Variants in SOX5 observed in about 807,000 individuals in gnomAD.
The protein encoded by SOX5 is SRY-box transcription factor 5.
A neutral mutation model predicts 92.0 loss-of-function variants in SOX5; 9 were observed. The ratio of observed to expected loss-of-function variants is 0.10; its 90% confidence interval spans 0.06 to 0.17. The LOEUF is 0.17. Ranked by LOEUF, SOX5 falls within the 10% of genes least tolerant of loss-of-function variation. The pLI is 1.00. For synonymous variants in SOX5, 344 were observed against 336.3 expected (o/e 1.02, Z -0.25); for missense variants, 642 against 944.5 (o/e 0.68, Z 4.20).
intron 4 of SOX5, among the ~76,000 whole-genome samples, chr12:24,099,559 G>C (rs752103833): frequency 9.9e-5 from 15 of 152,072 alleles, no homozygotes; most frequent in Non-Finnish European, 5.9e-5. Context: ...GTTATTTCCT[G>C]ATGTAGTGAG....
intron 1 of SOX5, among the ~76,000 whole-genome samples, chr12:24,409,445 CCTTTT>C (rs1160393625): frequency 3.9e-5 from 6 of 151,978 alleles, no homozygotes; most frequent in East Asian, 1.9e-4. Context: ...CACATGTATC[CCTTTT>C]TTTTTAGAAA....
At chr12:24,410,185 G>A (rs548177644) in intron 1 of SOX5, among the ~76,000 whole-genome samples, 3 of 152,036 alleles carry the variant, frequency 2.0e-5, no homozygotes, top group African/African-American at 7.2e-5. Flanking sequence ...TTTTGTAGAG[G>A]AGGAGTTTTG....
chr12:23,949,875 G>A (rs1299982009), upstream of SOX5, among the ~76,000 whole-genome samples: 1 of 146,710 alleles, frequency 6.8e-6, no homozygotes, highest in African/African-American at 2.5e-5. Context: ...TCCAGCAGCG[G>A]AGTCTGGCTG....
chr12:23,922,134 T>TA (rs1307890850), intron 1 of SOX5, among the ~76,000 whole-genome samples: 1 of 152,154 alleles, frequency 6.6e-6, no homozygotes, highest in Non-Finnish European at 1.5e-5. Context: ...GTTCGTCCTT[T>TA]AAAAAAGACC....
chr12:24,466,482 T>C (rs1057056538), intron 1 of SOX5, among the ~76,000 whole-genome samples: 1 of 152,206 alleles, frequency 6.6e-6, no homozygotes, highest in African/African-American at 2.4e-5. Context: ...TAAGTCATCT[T>C]GGTCCTCCAT....
chr12:24,268,161 C>T (rs1943256057), intron 3 of SOX5, among the ~76,000 whole-genome samples: 1 of 152,120 alleles, frequency 6.6e-6, no homozygotes, highest in Non-Finnish European at 1.5e-5. Flanking sequence ...GTAAAACTCT[C>T]CCAGTGAATT....
chr12:24,506,830 G>A (rs182298421), intron 1 of SOX5, among the ~76,000 whole-genome samples: 2,978 of 112,604 alleles, frequency 0.026, 115 homozygotes, highest in African/African-American at 0.097. Flanking sequence ...TCGCTCTGTC[G>A]CCCAGGCTGG....
intron 4 of SOX5, among the ~76,000 whole-genome samples, chr12:24,008,479 C>T (rs1204368762): frequency 6.6e-6 from 1 of 151,900 alleles, no homozygotes; most frequent in African/African-American, 2.4e-5. Flanking sequence ...AGATGGACAT[C>T]CTAGTACAGA....
chr12:24,394,002 G>A lies in SOX5; in HGVS notation c.-250-25363C>T, dbSNP rs147489145. 1.1e-3 allele frequency among the ~76,000 whole-genome samples: 168 copies of A among 152,278 alleles called. 3 individuals are homozygous for A. The East Asian group carries it at 0.028, about 25-fold the overall frequency. On this transcript the variant is annotated intron_variant, in intron 1 of 4. Transcript: ENST00000446891. Reference sequence around the variant, plus strand: ...GCTGAAGAACACACAATAGCATTCAGAACAGAGACCTGACCACACTATTAA... The same window carrying A: ...GCTGAAGAACACACAATAGCATTCAAAACAGAGACCTGACCACACTATTAA...
intron 1 of SOX5, among the ~76,000 whole-genome samples, chr12:24,541,801 T>C (rs963530160): frequency 6.6e-5 from 10 of 152,168 alleles, no homozygotes; most frequent in African/African-American, 2.4e-4. Context: ...AGTAAGAGTA[T>C]AGTATAGAAA....
intron 3 of SOX5, among the ~76,000 whole-genome samples, chr12:23,779,788 A>AATATATATATATAT (rs1172787679): frequency 5.3e-4 from 59 of 110,504 alleles, no homozygotes; most frequent in Middle Eastern, 5.0e-3. Context: ...CACAGATTAA[A>AATATATATATATAT]ATATATATAT....
chr12:24,165,648 G>C lies in SOX5; in HGVS notation c.-2+47695C>G, dbSNP rs371564752. On this transcript the variant is annotated intron_variant, in intron 4 of 4. Transcript: ENST00000446891. ...AAGGAAGTATAGAGGCACATCAAAG[G>C]ACAGGACTGAGAAGGGCATTCCAGG... is the stretch of plus-strand genomic sequence containing the variant. Among the ~76,000 whole-genome samples the C allele has an allele frequency of 9.9e-5, 15 of 152,210 alleles. No homozygotes were observed. The East Asian group carries it at 1.7e-3, about 18-fold the overall frequency.
chr12:24,460,542 GT>G (rs1391657125), intron 1 of SOX5: 1 of 152,208 alleles, frequency 6.6e-6, no homozygotes, highest in Non-Finnish European at 1.5e-5. Context: ...ACCCAGTTAA[GT>G]GGATTAGGTT....
intron 1 of SOX5, among the ~76,000 whole-genome samples, chr12:24,412,483 T>A (rs1411284094): frequency 6.6e-6 from 1 of 152,094 alleles, no homozygotes; most frequent in Non-Finnish European, 1.5e-5. Context: ...TGTTCTATTT[T>A]TATTGTCATT....
At position 23,643,107 on chromosome 12, in the gene SOX5, AAG is replaced by A. The variant is rs1249829911; in HGVS notation, c.932-2212_932-2211del. ...GTCTCAAAAAAAAAAAAAAAAAAAAAAGGTAATTATGGTCAGACTAGGATGGT... is the reference window on the plus strand; with the variant it reads ...GTCTCAAAAAAAAAAAAAAAAAAAAAGTAATTATGGTCAGACTAGGATGGT... On this transcript the variant is annotated intron_variant, in intron 7 of 14. Transcript: ENST00000451604. Among the ~76,000 whole-genome samples, 12 of 149,278 alleles carry A rather than the reference AAG, an allele frequency of 8.0e-5. 1 individual carries two copies. The highest frequency in any genetic ancestry group is 2.7e-4 in the African/African-American group (11 of 41,090).
intron 4 of SOX5, among the ~76,000 whole-genome samples, chr12:24,185,087 A>T (rs1955881283): frequency 6.6e-6 from 1 of 152,126 alleles, no homozygotes; most frequent in East Asian, 1.9e-4. Context: ...ACACTGCACT[A>T]GACACTCTGA....
intron 4 of SOX5, among the ~76,000 whole-genome samples, chr12:23,751,514 CT>C (rs1327813634): frequency 6.6e-6 from 1 of 151,802 alleles, no homozygotes; most frequent in Non-Finnish European, 1.5e-5. Flanking sequence ...TTCAAATCAT[CT>C]AATGTTATTT....
chr12:24,556,739 T>C lies in SOX5; in HGVS notation c.-251+5590A>G, dbSNP rs116285693. Among the ~76,000 whole-genome samples, 1,500 of 152,334 alleles carry C rather than the reference T, an allele frequency of 9.8e-3. 21 individuals are homozygous for C. Among genetic ancestry groups the C allele is most frequent in the Middle Eastern group, 0.048 (14 of 294 alleles). ...AAAATGTTAATTACTGAAGGAGCAC[T>C]TATATGAATAAAAGATAGAATTCAC... On this transcript the variant is annotated intron_variant, in intron 1 of 4. Transcript: ENST00000446891.
At chr12:24,061,881 G>A (rs997206665) in intron 4 of SOX5, among the ~76,000 whole-genome samples, 1 of 152,094 alleles carries the variant, frequency 6.6e-6, no homozygotes, top group Non-Finnish European at 1.5e-5. Flanking sequence ...AACACTGCTT[G>A]CTAGTCATTA....
Sources: gnomAD v4.1 joint callset for allele counts (sites outside exome capture counted in the v4.1 genomes callset) on GRCh38, gnomAD v4.1.1 for gene constraint, MANE v1.5 for transcripts, NCBI Gene and HGNC (gene_info 2026-07-23, HGNC 2026-07-21) for gene names.